The following PRKN variants were observed in gnomAD, a reference collection of about 807,000 sequenced individuals.
PRKN encodes the protein parkin RBR E3 ubiquitin protein ligase, also known as E3 ubiquitin-protein ligase parkin.
A neutral mutation model predicts 59.5 loss-of-function variants in PRKN; 56 were observed. The ratio of observed to expected loss-of-function variants is 0.94; its 90% CI spans 0.76 to 1.18. The LOEUF (loss-of-function observed/expected upper bound fraction) is 1.18. Among genes scored for constraint, PRKN ranks in the 50% most tolerant of loss-of-function variants. PRKN has a pLI of 0.00. For missense variants in PRKN, 657 were observed against 596.4 expected (o/e 1.10, Z -1.06); for synonymous variants, 250 against 222.1 (o/e 1.13, Z -1.12).
rs1275664243 is a variant in PRKN, at chr6:161,499,978, C to T, written c.1083+48876G>A. On this transcript the variant is annotated intron_variant, in intron 9 of 11. Coordinates refer to ENST00000366898, the MANE Select transcript of PRKN (RefSeq NM_004562.3). This position sits in a 1 kb window ranked among gnomAD's most constrained non-coding sequence, Gnocchi z 4.2. ...TCTGAATGCTGCCCTCACTCTCCTC[C>T]TTCCCCACTTTTGTTCATGCAGTGT... Among the ~76,000 whole-genome samples, 1 of 152,178 alleles carries T rather than the reference C, an allele frequency of 6.6e-6. No homozygotes were observed. The highest frequency in any genetic ancestry group is 1.5e-5 in the Non-Finnish European group (1 of 68,036).
Position 162,679,672 on chromosome 6 carries a change from T to G in PRKN, c.7+47990A>C, listed in dbSNP as rs1339989104. On this transcript the variant is annotated intron_variant, in intron 1 of 11. Coordinates refer to ENST00000366898, the MANE Select transcript of PRKN (RefSeq NM_004562.3). ...GAAGTTGCAGCATCAGCATCTCAAC[T>G]ATTCTGGGAGACAATGTAGGCCAAA... is the stretch of plus-strand genomic sequence containing the variant. Among the ~76,000 whole-genome samples the G allele has an allele frequency of 5.3e-5, 8 of 152,204 alleles. No individual in the cohort carries two copies. The East Asian group carries it at 1.5e-3, about 29-fold the overall frequency.
At chr6:161,389,003 T>A (rs188754844) in intron 9 of PRKN, among the ~76,000 whole-genome samples, 236 of 152,294 alleles carry the variant, frequency 1.5e-3, no homozygotes, top group African/African-American at 5.1e-3. Flanking sequence ...GATTCAAAAA[T>A]TTACAGAGAC....
At chr6:161,617,839 G>A (rs746393422) in intron 7 of PRKN, among the ~76,000 whole-genome samples, 13 of 152,226 alleles carry the variant, frequency 8.5e-5, no homozygotes, top group Non-Finnish European at 1.3e-4. Context: ...ACTGCCAATC[G>A]GAAGATATGG....
At chr6:162,544,587 T>C (rs34623056) in intron 1 of PRKN, among the ~76,000 whole-genome samples, 27,411 of 151,924 alleles carry the variant, frequency 0.18, 2,758 homozygotes, top group South Asian at 0.29. Flanking sequence ...CTTGCATTTT[T>C]ATCTTCTCAC....
rs779465584 is a variant in PRKN, at chr6:162,262,674, G to A, written c.263C>T (p.Pro88Leu). 3.7e-6 allele frequency: 6 copies of A among 1,613,428 alleles called. No individual in the cohort carries two copies. The highest frequency in any genetic ancestry group is 3.3e-5 in the Admixed American group (2 of 59,948). The change falls in exon 3 of 12, where the codon CCC becomes CTC. Residue 88 changes from proline (P) to leucine (L), a missense_variant. Pro to Leu is a moderately conservative substitution (Grantham distance 98). Transcript: ENST00000366898. ...QEMNATGGDD[P>L]RNAAGGCERE... Reference sequence around the variant, plus strand: ...CTCACAGCCTCCCGCCGCGTTTCTGGGGTCGTCGCCTCCAGTTGCATTCAT... The same window carrying A: ...CTCACAGCCTCCCGCCGCGTTTCTGAGGTCGTCGCCTCCAGTTGCATTCAT...
chr6:162,366,624 G>C (rs897889299), intron 2 of PRKN, among the ~76,000 whole-genome samples: 1 of 151,982 alleles, frequency 6.6e-6, no homozygotes, highest in Non-Finnish European at 1.5e-5. Context: ...GTTTATTCCC[G>C]GCCAGGCACG....
chr6:161,733,780 A>T (rs113002406), intron 7 of PRKN, among the ~76,000 whole-genome samples: 2 of 84,798 alleles, frequency 2.4e-5, no homozygotes, highest in African/African-American at 1.5e-4. Flanking sequence ...GAAAAAAAAA[A>T]AAAATATATA....
At chr6:162,551,688 T>TA (rs909499051) in intron 1 of PRKN, among the ~76,000 whole-genome samples, 30 of 152,184 alleles carry the variant, frequency 2.0e-4, no homozygotes, top group Admixed American at 4.6e-4. Context: ...GAGGGCAGAG[T>TA]AAGTTCATAC....
intron 9 of PRKN, among the ~76,000 whole-genome samples, chr6:161,524,781 G>A (rs1583188187): frequency 6.6e-6 from 1 of 152,080 alleles, no homozygotes; most frequent in Admixed American, 6.6e-5. Flanking sequence ...ATGATTAAAA[G>A]TTTTCAAAAT....
intron 9 of PRKN, among the ~76,000 whole-genome samples, chr6:161,491,001 G>A (rs1017433216): frequency 5.3e-5 from 8 of 152,138 alleles, no homozygotes; most frequent in African/African-American, 1.7e-4. Flanking sequence ...CCAAGCAGGT[G>A]CCAGCATCAT....
At position 162,165,377 on chromosome 6, in the gene PRKN, C is replaced by A. The variant is rs1782931182; in HGVS notation, c.534+35754G>T. 1.3e-5 allele frequency among the ~76,000 whole-genome samples: 2 copies of A among 149,108 alleles called. 1 individual carries two copies. Among genetic ancestry groups the A allele is most frequent in the Non-Finnish European group, 3.0e-5 (2 of 67,402 alleles). On this transcript the variant is annotated intron_variant, in intron 4 of 11. Coordinates refer to ENST00000366898, the MANE Select transcript of PRKN (RefSeq NM_004562.3). ...ATGAAGAAAATGAATTACCAAACTC[C>A]AGACTATAAGAAAATAGTTCCAAAA...
intron 2 of PRKN, among the ~76,000 whole-genome samples, chr6:162,314,463 T>A (rs1782661938): frequency 6.6e-6 from 1 of 152,122 alleles, no homozygotes; most frequent in South Asian, 2.1e-4. Flanking sequence ...AATTTTGCCC[T>A]TTAGAGTAAT....
intron 2 of PRKN, among the ~76,000 whole-genome samples, chr6:162,342,592 C>T (rs746774539): frequency 3.9e-5 from 6 of 152,010 alleles, no homozygotes; most frequent in Non-Finnish European, 1.5e-5. Context: ...TTAATTGACA[C>T]GACAAATAAT....
rs188034311 is a variant in PRKN at position 162,666,193 on chromosome 6, G to T, written c.7+61469C>A. On this transcript the variant is annotated intron_variant, in intron 1 of 11. Transcript: ENST00000366898. ...AAGATGTCTATAAGAAAAGAGGAGG[G>T]AGTAGTTTTTGTTTCTATCATGTGA... is the stretch of plus-strand genomic sequence containing the variant. Among the ~76,000 whole-genome samples, 927 of 152,192 alleles carry T rather than the reference G, an allele frequency of 6.1e-3. 15 individuals carry two copies. Among genetic ancestry groups the T allele is most frequent in the African/African-American group, 0.022 (899 of 41,544 alleles).
At chr6:162,151,753 T>C (rs1430506578) in intron 4 of PRKN, among the ~76,000 whole-genome samples, 1 of 152,144 alleles carries the variant, frequency 6.6e-6, no homozygotes, top group Non-Finnish European at 1.5e-5. Flanking sequence ...ACAGGGTATG[T>C]GAAAAAGTTA....
intron 7 of PRKN, among the ~76,000 whole-genome samples, chr6:161,648,247 AT>A (rs1258979751): frequency 1.3e-5 from 2 of 152,222 alleles, no homozygotes; most frequent in African/African-American, 4.8e-5. Context: ...ATGCATTTTC[AT>A]ATTCTGAAAG....
At chr6:162,351,213 A>T (rs1442304822) in intron 2 of PRKN, among the ~76,000 whole-genome samples, 1 of 152,110 alleles carries the variant, frequency 6.6e-6, no homozygotes, top group Non-Finnish European at 1.5e-5. Context: ...TAAAAAATAA[A>T]ACAACCCAAT....
At chr6:162,322,567 T>C (rs1016784745) in intron 2 of PRKN, among the ~76,000 whole-genome samples, 2 of 152,058 alleles carry the variant, frequency 1.3e-5, no homozygotes, top group African/African-American at 4.8e-5. Context: ...ATCAAGACAA[T>C]GTGGAATTGA....
At chr6:161,835,950 A>AATT (rs1354100000) in intron 6 of PRKN, among the ~76,000 whole-genome samples, 1 of 152,142 alleles carries the variant, frequency 6.6e-6, no homozygotes, top group Non-Finnish European at 1.5e-5. Flanking sequence ...TTAAATACCC[A>AATT]ATTTATTTTT....
Sources: allele counts gnomAD v4.1 joint callset (sites outside exome capture counted in the v4.1 genomes callset), GRCh38; gene constraint gnomAD v4.1.1; non-coding constraint Gnocchi (gnomAD v3.1); transcripts MANE v1.5; gene names NCBI Gene and HGNC (gene_info 2026-07-23, HGNC 2026-07-21).